The following ASPH variants were observed in gnomAD, a reference collection of about 807,000 sequenced individuals.
ASPH encodes the protein aspartyl/asparaginyl beta-hydroxylase.
ASPH carries 100 observed loss-of-function variants against 118.4 expected under a neutral mutation model. The ratio of observed to expected loss-of-function variants is 0.84; its 90% CI spans 0.72 to 1.00. The LOEUF is 1.00. Among genes scored for constraint, ASPH ranks in the 50% least tolerant of loss-of-function variants. ASPH has a pLI of 0.00. For missense variants in ASPH, 920 were observed against 919.5 expected, an observed-to-expected ratio of 1.00 and a Z score of -0.01; for synonymous variants, 315 against 325.6, an observed-to-expected ratio of 0.97 and a Z score of 0.35.
In ASPH at chr8:61,502,665, A is replaced by T. The variant is rs144136864; in HGVS notation, c.*694T>A. On this transcript the variant is annotated 3_prime_UTR_variant, in exon 25 of 25. Coordinates refer to ENST00000379454, the MANE Select transcript of ASPH (RefSeq NM_004318.4). ...TCTTTGAAAGAAATAGGATTTTGTC[A>T]ATATCTCCACCACTAGCATAGTGAG... The T allele has an allele frequency of 4.0e-4, 61 of 152,328 alleles. 1 individual carries two copies. In the East Asian group the frequency reaches 0.011, roughly 28 times the overall value. The allele number at this position is 152,328 out of a possible 1,614,324, so 9.4% of individuals were successfully genotyped here. A position where few individuals can be genotyped will look rare whatever the true frequency, so the allele number is the denominator to read the frequency against.
At chr8:61,566,240 T>C (rs75894125) in intron 17 of ASPH, among the ~76,000 whole-genome samples, 1 of 152,208 alleles carries the variant, frequency 6.6e-6, no homozygotes, top group Non-Finnish European at 1.5e-5. Flanking sequence ...CCAACCCTCA[T>C]TAATGACTTT....
In ASPH at chr8:61,588,560, G is replaced by A. The variant is rs570619578; in HGVS notation, c.977-4531C>T. 7.5e-4 allele frequency among the ~76,000 whole-genome samples: 114 copies of A among 152,210 alleles called. 1 individual carries two copies. The highest frequency in any genetic ancestry group is 9.7e-4 in the Non-Finnish European group (66 of 67,994). ...AAGAAAACAGCAATTTCTCCTACAA[G>A]GTATATTTTGAAAAGCAACAATTTC... On this transcript the variant is annotated intron_variant, in intron 14 of 24. Transcript: ENST00000379454.
rs1004205447 is a variant in ASPH at position 61,503,186 on chromosome 8, G to A, written c.*173C>T. The A allele has an allele frequency of 1.3e-5, 8 of 620,302 alleles. No homozygotes were observed. The South Asian group carries it at 1.3e-4, about 10-fold the overall frequency. The allele number at this position is 620,302 out of a possible 1,614,324, so 38.4% of individuals were successfully genotyped here. The stretch of plus-strand genomic sequence containing the variant: ...GGGTGTTTCCTAAATGAATTGCAGC[G>A]AGGCAAATATTCCCTTTAGTGTCTT... On this transcript the variant is annotated 3_prime_UTR_variant, in exon 25 of 25. Coordinates refer to ENST00000379454, the MANE Select transcript of ASPH (RefSeq NM_004318.4).
chr8:61,511,856 G>C (rs987244349), intron 24 of ASPH, among the ~76,000 whole-genome samples: 1 of 152,004 alleles, frequency 6.6e-6, no homozygotes, highest in East Asian at 1.9e-4. Context: ...CGCCTGCCTC[G>C]GCTTCCCAAA....
intron 1 of ASPH, among the ~76,000 whole-genome samples, chr8:61,701,800 T>A (rs549988950): frequency 1.3e-5 from 2 of 152,210 alleles, no homozygotes; most frequent in Non-Finnish European, 2.9e-5. Flanking sequence ...TCAAGTCAAT[T>A]AAACCAAATT....
At chr8:61,620,825 G>C (rs563429626) in intron 13 of ASPH, among the ~76,000 whole-genome samples, 2 of 152,312 alleles carry the variant, frequency 1.3e-5, no homozygotes, top group South Asian at 2.1e-4. Context: ...TTTCTAACTG[G>C]ACTAGATAGA....
chr8:61,697,178 C>T (rs1292000110), intron 1 of ASPH, among the ~76,000 whole-genome samples: 1 of 152,214 alleles, frequency 6.6e-6, no homozygotes, highest in Non-Finnish European at 1.5e-5. Flanking sequence ...ACACGTCTTA[C>T]AGTTGAGTTA....
chr8:61,597,113 C>T (rs371482951), intron 14 of ASPH, among the ~76,000 whole-genome samples: 115 of 149,008 alleles, frequency 7.7e-4, no homozygotes, highest in African/African-American at 2.6e-3. Context: ...AAATCAAGAC[C>T]ATCACCATCA....
intron 14 of ASPH, among the ~76,000 whole-genome samples, chr8:61,614,612 C>A (rs574650635): frequency 1.3e-5 from 2 of 152,220 alleles, no homozygotes; most frequent in East Asian, 3.9e-4. Flanking sequence ...GGACTACAGG[C>A]GCATGCTACC....
intron 22 of ASPH, among the ~76,000 whole-genome samples, chr8:61,525,113 T>C (rs1814785639): frequency 6.6e-6 from 1 of 152,214 alleles, no homozygotes; most frequent in Non-Finnish European, 1.5e-5. Context: ...GAAAGCATAA[T>C]TGAGATAAAC....
In ASPH at chr8:61,638,216, G is replaced by A. The variant is rs112236920; in HGVS notation, c.832+106C>T. The A allele has an allele frequency of 4.1e-4, 563 of 1,388,394 alleles. 6 individuals are homozygous for A. In the African/African-American group the frequency reaches 6.3e-3, roughly 16 times the overall value. The allele number at this position is 1,388,394 out of a possible 1,614,324, so 86.0% of individuals were successfully genotyped here. The stretch of plus-strand genomic sequence containing the variant: ...ATTATTTTCTTACTGACTTGAAAAT[G>A]TCTTGCATTTTTTCTACACTGACTC... On this transcript the variant is annotated intron_variant, in intron 11 of 24. Transcript: ENST00000379454.
At chr8:61,676,735 T>C (rs1052713983) in intron 3 of ASPH, among the ~76,000 whole-genome samples, 2 of 152,108 alleles carry the variant, frequency 1.3e-5, no homozygotes, top group African/African-American at 4.8e-5. Flanking sequence ...ACCAACCAGA[T>C]TTTATCGAGA....
At chr8:61,683,973 T>C (rs1319213862) in intron 2 of ASPH, 66 bp downstream of exon 2, 1 of 1,544,808 alleles carries the variant, frequency 6.5e-7, no homozygotes, top group African/African-American at 1.4e-5. Context: ...ATAACAAATA[T>C]TCAAGACTCC....
chr8:61,665,031 T>G, intron 3 of ASPH: 7 of 1,276,460 alleles, frequency 5.5e-6, no homozygotes, highest in Non-Finnish European at 6.9e-6. Context: ...ATAGAAGTTA[T>G]TACATCATAT....
chr8:61,556,634 A>C (rs139529420), intron 18 of ASPH, among the ~76,000 whole-genome samples: 4 of 152,362 alleles, frequency 2.6e-5, no homozygotes, highest in African/African-American at 9.6e-5. Context: ...GTTTATTATT[A>C]TATGCATTCA....
At chr8:61,655,955 C>G (rs1235999703) in intron 3 of ASPH, among the ~76,000 whole-genome samples, 1 of 152,160 alleles carries the variant, frequency 6.6e-6, no homozygotes. Context: ...ACATTCTAGA[C>G]TATAATTGCT....
intron 21 of ASPH, among the ~76,000 whole-genome samples, chr8:61,538,099 G>A (rs1329941658): frequency 6.6e-6 from 1 of 152,050 alleles, no homozygotes; most frequent in Non-Finnish European, 1.5e-5. Context: ...GGGAGAAGAG[G>A]AGCTGAGGTA....
At chr8:61,637,552 T>C (rs964983364) in intron 12 of ASPH, among the ~76,000 whole-genome samples, 6 of 152,100 alleles carry the variant, frequency 3.9e-5, no homozygotes, top group African/African-American at 1.4e-4. Flanking sequence ...AAAAAATTTG[T>C]TTTGTTTTCC....
intron 3 of ASPH, among the ~76,000 whole-genome samples, chr8:61,678,199 A>C (rs1399568859): frequency 3.3e-5 from 5 of 152,136 alleles, no homozygotes; most frequent in African/African-American, 9.7e-5. Flanking sequence ...GGTGCTAGCC[A>C]TAGGACAAAA....
Sources: gnomAD v4.1 joint callset for allele counts (sites outside exome capture counted in the v4.1 genomes callset) on GRCh38, gnomAD v4.1.1 for gene constraint, MANE v1.5 for transcripts, NCBI Gene and HGNC (gene_info 2026-07-23, HGNC 2026-07-21) for gene names.